METAP1: variants seen among roughly 807,000 people sequenced by gnomAD.
METAP1 encodes methionyl aminopeptidase 1, also known as methionine aminopeptidase 1.
A neutral mutation model predicts 53.8 loss-of-function variants in METAP1; 28 were observed. The ratio of observed to expected loss-of-function variants is 0.52; its 90% CI spans 0.39 to 0.71. METAP1 has a LOEUF of 0.71. METAP1 is among the 30% of genes least tolerant of loss of function. The pLI is 0.00. For missense variants in METAP1, 389 were observed against 479.8 expected, an observed-to-expected ratio of 0.81 and a Z score of 1.77; for synonymous variants, 181 against 165.7, an observed-to-expected ratio of 1.09 and a Z score of -0.71.
Position 99,021,698 on chromosome 4 carries a change from G to A in METAP1, c.115-7169G>A, listed in dbSNP as rs182959049. Among the ~76,000 whole-genome samples the A allele has an allele frequency of 7.2e-3, 1,098 of 152,228 alleles. 9 individuals carry two copies. The highest frequency in any genetic ancestry group is 0.025 in the African/African-American group (1,036 of 41,532). ...ACACAATCCCCTATGGCTGTGTCCC[G>A]TTCCCATTGGCTGGGATGGGACCTC... is the stretch of plus-strand genomic sequence containing the variant. On this transcript the variant is annotated intron_variant, in intron 1 of 10. Transcript: ENST00000296411.
intron 1 of METAP1, among the ~76,000 whole-genome samples, chr4:99,020,313 A>G (rs1724021051): frequency 6.6e-6 from 1 of 152,210 alleles, no homozygotes; most frequent in Non-Finnish European, 1.5e-5. Flanking sequence ...AGGGGCGTTC[A>G]TGAATCCAGT....
chr4:99,022,583 T>A, intron 1 of METAP1: 1 of 652,460 alleles, frequency 1.5e-6, no homozygotes, highest in East Asian at 2.6e-5. Flanking sequence ...AGATAGAAGA[T>A]GGTCTCACAC....
chr4:99,058,532 C>T (rs907563612), intron 10 of METAP1, among the ~76,000 whole-genome samples: 2 of 152,078 alleles, frequency 1.3e-5, no homozygotes, highest in African/African-American at 2.4e-5. Context: ...GGCTCCTCAC[C>T]GAGATTTTCA....
At chr4:99,004,690 C>A (rs888330420) in intron 1 of METAP1, among the ~76,000 whole-genome samples, 4 of 152,094 alleles carry the variant, frequency 2.6e-5, no homozygotes, top group Non-Finnish European at 5.9e-5. Context: ...TTGTGTTTAT[C>A]ATTCATTTGC....
chr4:99,050,930 A>G (rs62325205), intron 9 of METAP1, among the ~76,000 whole-genome samples: 1 of 152,212 alleles, frequency 6.6e-6, no homozygotes, highest in East Asian at 1.9e-4. Context: ...ATGTGTGTCA[A>G]TAAATGGTTA....
chr4:99,020,432 C>G (rs115091042), intron 1 of METAP1, among the ~76,000 whole-genome samples: 5 of 152,170 alleles, frequency 3.3e-5, no homozygotes, highest in African/African-American at 9.7e-5. Flanking sequence ...ATTGTTCTAT[C>G]TCTCTCTGAA....
rs1348504827 is a variant in METAP1, at chr4:99,057,783, G to A, written c.962G>A (p.Gly321Asp). 3 of 1,596,338 alleles carry A rather than the reference G, an allele frequency of 1.9e-6. No homozygotes were observed. Among genetic ancestry groups the A allele is most frequent in the Non-Finnish European group, 2.6e-6 (3 of 1,170,950 alleles). ...KNKAVGVMKSGHVFTIEPMIC... is the reference protein window; with the variant it reads ...KNKAVGVMKSDHVFTIEPMIC... The stretch of plus-strand genomic sequence containing the variant: ...AAAGCAGTTGGAGTGATGAAGTCGG[G>A]CCATGTATTTACAATTGAGCCAATG... Residue 321 changes from glycine to aspartate, a missense_variant, in exon 10 of 11, where the codon GGC (glycine) becomes GAC (aspartate). Physicochemically the swap from Gly to Asp is moderately conservative, Grantham distance 94. Transcript: ENST00000296411.
At chr4:99,036,972 G>A (rs1426362435) in intron 4 of METAP1, among the ~76,000 whole-genome samples, 7 of 151,768 alleles carry the variant, frequency 4.6e-5, no homozygotes, top group South Asian at 2.1e-4. Context: ...TATATTTTTC[G>A]CAGCATAGTG....
chr4:99,049,565 GATA>G (rs1249349469), intron 9 of METAP1, among the ~76,000 whole-genome samples: 2 of 152,114 alleles, frequency 1.3e-5, no homozygotes, highest in African/African-American at 4.8e-5. Context: ...GTGTAAGATA[GATA>G]ATATCTTACA....
chr4:99,033,443 A>G (rs1725200547), intron 2 of METAP1, among the ~76,000 whole-genome samples: 1 of 152,102 alleles, frequency 6.6e-6, no homozygotes, highest in South Asian at 2.1e-4. Context: ...GTTTTATTTT[A>G]CTATGTGAAT....
At chr4:98,997,796 G>A (rs1560687157) in intron 1 of METAP1, among the ~76,000 whole-genome samples, 2 of 152,154 alleles carry the variant, frequency 1.3e-5, no homozygotes, top group South Asian at 2.1e-4. Context: ...ATCACTGTTA[G>A]ACATGCACTC....
chr4:99,045,843 C>T (rs1277393345), intron 8 of METAP1, among the ~76,000 whole-genome samples: 1 of 152,158 alleles, frequency 6.6e-6, no homozygotes, highest in Non-Finnish European at 1.5e-5. Context: ...TAATGTGTAA[C>T]TGGGCTGTTT....
chr4:98,998,923 G>C (rs1722784113), intron 1 of METAP1, among the ~76,000 whole-genome samples: 2 of 151,720 alleles, frequency 1.3e-5, no homozygotes, highest in African/African-American at 4.8e-5. Context: ...CAGTTCTCCT[G>C]CCTCAGCCTC....
intron 7 of METAP1, among the ~76,000 whole-genome samples, chr4:99,044,274 A>G (rs1011144277): frequency 6.6e-6 from 1 of 152,122 alleles, no homozygotes; most frequent in South Asian, 2.1e-4. Context: ...TGTTAATAAG[A>G]TATCTTAAAG....
At chr4:98,997,654 A>C (rs1353292168) in intron 1 of METAP1, among the ~76,000 whole-genome samples, 5 of 149,964 alleles carry the variant, frequency 3.3e-5, no homozygotes, top group Non-Finnish European at 7.3e-5. Context: ...TGAAACAGGT[A>C]GAAAGAAGGT....
intron 9 of METAP1, among the ~76,000 whole-genome samples, chr4:99,052,812 T>C (rs1273864411): frequency 6.6e-6 from 1 of 152,250 alleles, no homozygotes; most frequent in African/African-American, 2.4e-5. Flanking sequence ...GCTTGTGATA[T>C]TGTTTGATAG....
chr4:99,035,896 TG>T (rs1725389246), intron 4 of METAP1: 1 of 154,620 alleles, frequency 6.5e-6, no homozygotes, highest in African/African-American at 2.4e-5. Flanking sequence ...GAGAATGATA[TG>T]ATGATGATGG....
rs776502995 is a variant in METAP1, at chr4:99,034,247, C to T, written c.184C>T (p.Arg62Ter). ...HKKAKDEKAK[R>*]EVSSWTVEGD... Reference sequence around the variant, plus strand: ...TCTCCCAGAAGATGAAAAGGCGAAGCGAGAAGTGTCTTCCTGGACTGTGGA... The same window carrying T: ...TCTCCCAGAAGATGAAAAGGCGAAGTGAGAAGTGTCTTCCTGGACTGTGGA... Residue 62 changes from arginine (R) to a stop codon, truncating the protein, a stop_gained, in exon 3 of 11, where the codon CGA becomes TGA. Coordinates refer to ENST00000296411, the MANE Select transcript of METAP1 (RefSeq NM_015143.3). LOFTEE classifies it high-confidence loss of function. 7 of 1,549,194 alleles carry T rather than the reference C, an allele frequency of 4.5e-6. No individual in the cohort carries two copies. Among genetic ancestry groups the T allele is most frequent in the Non-Finnish European group, 6.1e-6 (7 of 1,144,756 alleles).
At chr4:99,035,976 C>T (rs1038966613) in intron 4 of METAP1, 1 of 154,384 alleles carries the variant, frequency 6.5e-6, no homozygotes, top group Non-Finnish European at 1.5e-5. Context: ...GTTCTTTGCA[C>T]GTGTTACTCC....
Sources: gnomAD v4.1 joint callset for allele counts (sites outside exome capture counted in the v4.1 genomes callset) on GRCh38, gnomAD v4.1.1 for gene constraint, MANE v1.5 for transcripts, NCBI Gene and HGNC (gene_info 2026-07-23, HGNC 2026-07-21) for gene names.